Variants in SEL1L observed in about 807,000 individuals in gnomAD.
SEL1L encodes SEL1L adaptor subunit of SYVN1 ubiquitin ligase.
A neutral mutation model predicts 109.8 loss-of-function variants in SEL1L; 52 were observed. That is an observed-to-expected ratio of 0.47 (90% CI 0.38 to 0.60). SEL1L has a LOEUF of 0.60. SEL1L is among the 20% of genes least tolerant of loss of function. The pLI is 0.00. For missense variants in SEL1L, 749 were observed against 962.2 expected (o/e 0.78, Z 2.93); for synonymous variants, 373 against 339.6 (o/e 1.10, Z -1.08).
At chr14:81,533,315 C>G (rs1445703049) in intron 1 of SEL1L, among the ~76,000 whole-genome samples, 1 of 152,148 alleles carries the variant, frequency 6.6e-6, no homozygotes, top group Non-Finnish European at 1.5e-5. Flanking sequence ...ATTCCCAAGC[C>G]CAGAGTTCTA....
At chr14:81,529,850 A>T (rs564544590) in intron 1 of SEL1L, among the ~76,000 whole-genome samples, 1 of 152,192 alleles carries the variant, frequency 6.6e-6, no homozygotes, top group South Asian at 2.1e-4. Flanking sequence ...AACTTCTGAT[A>T]AGTAGTATTC....
At chr14:81,499,206 A>T (rs1384699634) in intron 8 of SEL1L, 3 of 1,192,796 alleles carry the variant, frequency 2.5e-6, no homozygotes, top group Non-Finnish European at 2.1e-6. Context: ...AGAGCCATTT[A>T]TCAGATCTCT....
chr14:81,490,684 C>T (rs764828634), intron 12 of SEL1L, among the ~76,000 whole-genome samples: 12 of 152,088 alleles, frequency 7.9e-5, no homozygotes, highest in African/African-American at 2.7e-4. Context: ...GTGGATCACC[C>T]GATGTCAGGA....
At chr14:81,530,439 A>G (rs1885278189) in intron 1 of SEL1L, among the ~76,000 whole-genome samples, 1 of 152,200 alleles carries the variant, frequency 6.6e-6, no homozygotes, top group Non-Finnish European at 1.5e-5. Context: ...TATTTTAAGG[A>G]ACGACCAAAA....
At chr14:81,527,021 T>C (rs1885140495) in intron 2 of SEL1L, 57 bp from the exon 3 acceptor site, 4 of 1,278,346 alleles carry the variant, frequency 3.1e-6, no homozygotes. Flanking sequence ...CCCAACCCTA[T>C]TTGACCGTTA....
chr14:81,519,358 G>A (rs946056091), intron 3 of SEL1L, among the ~76,000 whole-genome samples: 1 of 152,164 alleles, frequency 6.6e-6, no homozygotes, highest in East Asian at 1.9e-4. Flanking sequence ...AGTCCTTTGA[G>A]TCAGCATAGA....
At position 81,501,940 on chromosome 14, in the gene SEL1L, G is replaced by C. The variant is rs1012413703; in HGVS notation, c.777+781C>G. 4.0e-5 allele frequency among the ~76,000 whole-genome samples: 6 copies of C among 151,728 alleles called. No homozygotes were observed. In the South Asian group the frequency reaches 1.0e-3, roughly 26 times the overall value. On this transcript the variant is annotated intron_variant, in intron 6 of 20. Transcript: ENST00000336735. ...GCCACCATGAAAACAAACTGAGGTA[G>C]GATATTCTGCAGAAAAACTGGCCCT... is the stretch of plus-strand genomic sequence containing the variant.
In SEL1L at chr14:81,498,393, A is replaced by G; in HGVS notation, c.973+20T>C. The G allele has an allele frequency of 6.3e-7, 1 of 1,583,232 alleles. No individual in the cohort carries two copies. The highest frequency in any genetic ancestry group is 1.1e-5 in the South Asian group (1 of 87,840). ...CATTTATTTTTTTTTCCTAAAAGGTAAAAGGGGAAACATAGATACCATGAT... is the reference window on the plus strand; with the variant it reads ...CATTTATTTTTTTTTCCTAAAAGGTGAAAGGGGAAACATAGATACCATGAT... On this transcript the variant is annotated intron_variant, in intron 9 of 20. Coordinates refer to ENST00000336735, the MANE Select transcript of SEL1L (RefSeq NM_005065.6).
In SEL1L at chr14:81,488,025, C is replaced by A. The variant is rs1842314824; in HGVS notation, c.1396-83G>T. On this transcript the variant is annotated intron_variant, in intron 14 of 20. Coordinates refer to ENST00000336735, the MANE Select transcript of SEL1L (RefSeq NM_005065.6). ...TAAGAGATTTATTTAAAAAAATGAA[C>A]AAAGCATATAAAAAAATATTCCCAA... The A allele has an allele frequency of 1.9e-5, 20 of 1,051,602 alleles. No individual in the cohort carries two copies. In the South Asian group the frequency reaches 2.0e-4, roughly 10 times the overall value. The allele number at this position is 1,051,602 out of a possible 1,614,324, so 65.1% of individuals were successfully genotyped here.
chr14:81,495,705 G>A (rs549273537), intron 10 of SEL1L, among the ~76,000 whole-genome samples: 1 of 152,200 alleles, frequency 6.6e-6, no homozygotes, highest in South Asian at 2.1e-4. Context: ...TGGAAGCTGA[G>A]GTGGGTGGAT....
At position 81,533,824 on chromosome 14, in the gene SEL1L, T is replaced by C. The variant is rs1296506278; in HGVS notation, c.-80A>G. On this transcript the variant is annotated 5_prime_UTR_variant, in exon 1 of 21. Coordinates refer to ENST00000336735, the MANE Select transcript of SEL1L (RefSeq NM_005065.6). Reference sequence around the variant, plus strand: ...CACGGACTCAGCCACCACCGCCGCCTCGCCGCTGCTCTTCCTGCTCTAGTC... The same window carrying C: ...CACGGACTCAGCCACCACCGCCGCCCCGCCGCTGCTCTTCCTGCTCTAGTC... 19 of 1,369,472 alleles carry C rather than the reference T, an allele frequency of 1.4e-5. No homozygotes were observed. Among genetic ancestry groups the C allele is most frequent in the Non-Finnish European group, 1.8e-5 (18 of 978,098 alleles). 84.8% of individuals were successfully genotyped at this position (1,369,472 alleles called of 1,614,324 possible). A position where few individuals can be genotyped will look rare whatever the true frequency, so the allele number is the denominator to read the frequency against.
At chr14:81,497,170 T>C (rs549027650) in intron 10 of SEL1L, among the ~76,000 whole-genome samples, 1 of 152,294 alleles carries the variant, frequency 6.6e-6, no homozygotes, top group African/African-American at 2.4e-5. Flanking sequence ...TTCTATCAGC[T>C]AACATTTAGA....
In SEL1L at chr14:81,499,216, T is replaced by C. The variant is rs530948922; in HGVS notation, c.891+243A>G. 6.6e-6 allele frequency: 8 copies of C among 1,205,096 alleles called. No homozygotes were observed. The East Asian group carries it at 2.8e-4, about 42-fold the overall frequency. The allele number at this position is 1,205,096 out of a possible 1,614,324, so 74.7% of individuals were successfully genotyped here. A position where few individuals can be genotyped will look rare whatever the true frequency, so the allele number is the denominator to read the frequency against. On this transcript the variant is annotated intron_variant, in intron 8 of 20. Transcript: ENST00000336735. The stretch of plus-strand genomic sequence containing the variant: ...TAAAAAGAGCCATTTATCAGATCTC[T>C]CTTTTTAGGGGCAATCAGCCAAACT...
intron 11 of SEL1L, 111 bp downstream of exon 11, chr14:81,494,970 G>C (rs1346079155): frequency 2.0e-6 from 2 of 984,892 alleles, no homozygotes; most frequent in South Asian, 3.1e-5. Context: ...ATTTGTGATG[G>C]GTGTTTAAAT....
At chr14:81,498,231 A>G (rs1002101204) in intron 9 of SEL1L, 182 bp downstream of exon 9, 1 of 831,502 alleles carries the variant, frequency 1.2e-6, no homozygotes, top group African/African-American at 1.7e-5. Context: ...TCACAACGTA[A>G]ATAGAACCTA....
intron 3 of SEL1L, among the ~76,000 whole-genome samples, chr14:81,510,994 A>G (rs1220221501): frequency 2.0e-5 from 3 of 152,206 alleles, no homozygotes; most frequent in African/African-American, 7.2e-5. Flanking sequence ...GACTTAAAGT[A>G]AGTGATATAG....
chr14:81,484,423 T>G, intron 18 of SEL1L, 26 bp from the exon 19 acceptor site: 1 of 1,588,012 alleles, frequency 6.3e-7, no homozygotes, highest in Non-Finnish European at 8.6e-7. Flanking sequence ...AATGCAGAAC[T>G]GCCAATAAAT....
intron 3 of SEL1L, among the ~76,000 whole-genome samples, chr14:81,507,807 A>G (rs1036775344): frequency 6.6e-6 from 1 of 152,210 alleles, no homozygotes; most frequent in Non-Finnish European, 1.5e-5. Context: ...GCCCATGTCA[A>G]CTTCCACTGG....
intron 3 of SEL1L, among the ~76,000 whole-genome samples, chr14:81,524,344 T>C (rs1362333688): frequency 1.3e-5 from 2 of 152,144 alleles, no homozygotes; most frequent in Non-Finnish European, 2.9e-5. Context: ...TGTCTCTCAA[T>C]GTAAAGCAAC....
Sources: allele counts gnomAD v4.1 joint callset (sites outside exome capture counted in the v4.1 genomes callset), GRCh38; gene constraint gnomAD v4.1.1; transcripts MANE v1.5; gene names NCBI Gene and HGNC (gene_info 2026-07-23, HGNC 2026-07-21).